Variants in SAMD12 observed in about 807,000 individuals in gnomAD.
The protein encoded by SAMD12 is sterile alpha motif domain-containing protein 12.
A neutral mutation model predicts 15.0 loss-of-function variants in SAMD12; 9 were observed. The observed-to-expected ratio is 0.60, with a 90% CI of 0.36 to 1.05. The LOEUF is 1.05. Ranked by LOEUF, SAMD12 falls within the 50% of genes least tolerant of loss-of-function variation. The pLI is 0.01. For synonymous variants in SAMD12, 86 were observed against 90.1 expected, an observed-to-expected ratio of 0.96 and a Z score of 0.25; for missense variants, 230 against 234.2, an observed-to-expected ratio of 0.98 and a Z score of 0.12.
intron 3 of SAMD12, among the ~76,000 whole-genome samples, chr8:118,423,022 C>T (rs1047968509): frequency 6.6e-6 from 1 of 152,054 alleles, no homozygotes; most frequent in Non-Finnish European, 1.5e-5. Context: ...AATAAAAATA[C>T]AAAAAAATTT....
chr8:118,537,524 C>G (rs543320176), intron 2 of SAMD12, among the ~76,000 whole-genome samples: 2 of 152,126 alleles, frequency 1.3e-5, no homozygotes, highest in Non-Finnish European at 2.9e-5. Flanking sequence ...TGCAGGCTCA[C>G]GAATTCTTTC....
At chr8:118,212,201 C>A (rs146625444) in intron 4 of SAMD12, among the ~76,000 whole-genome samples, 30 of 152,018 alleles carry the variant, frequency 2.0e-4, no homozygotes, top group Non-Finnish European at 3.7e-4. Flanking sequence ...TAGGCAAGAT[C>A]ATAGTGCACT....
chr8:118,561,939 C>G (rs571863343), intron 2 of SAMD12, among the ~76,000 whole-genome samples: 2 of 152,268 alleles, frequency 1.3e-5, no homozygotes, highest in South Asian at 4.1e-4. Context: ...TATAATCAAT[C>G]TCTATTCAGT....
intron 4 of SAMD12, among the ~76,000 whole-genome samples, chr8:118,317,126 A>T (rs1455475137): frequency 1.3e-5 from 2 of 152,164 alleles, no homozygotes; most frequent in African/African-American, 4.8e-5. Flanking sequence ...CAAAGGAGAG[A>T]GGCCTAAGGA....
At chr8:118,354,788 T>A (rs1250868016) in intron 4 of SAMD12, among the ~76,000 whole-genome samples, 2 of 152,304 alleles carry the variant, frequency 1.3e-5, no homozygotes, top group South Asian at 4.1e-4. Flanking sequence ...ATCACAGATA[T>A]CCTTGTATTG....
the SAMD12 span, among the ~76,000 whole-genome samples, chr8:118,181,315 A>G: frequency 1.3e-5 from 2 of 152,184 alleles, no homozygotes; most frequent in African/African-American, 4.8e-5. Flanking sequence ...TTTCTCATCT[A>G]TAAAGTGGAG....
the SAMD12 span, among the ~76,000 whole-genome samples, chr8:118,162,085 G>C: frequency 4.0e-5 from 6 of 150,894 alleles, no homozygotes; most frequent in African/African-American, 1.5e-4. Context: ...ACTTGTACCT[G>C]GAAGGCGGAG....
At chr8:118,210,337 A>C (rs1353009315) in intron 4 of SAMD12, among the ~76,000 whole-genome samples, 1 of 152,234 alleles carries the variant, frequency 6.6e-6, no homozygotes, top group Non-Finnish European at 1.5e-5. Context: ...AGAACTGATG[A>C]AGCCAGGATG....
intron 1 of SAMD12, among the ~76,000 whole-genome samples, chr8:118,618,005 T>C (rs973094927): frequency 6.7e-6 from 1 of 149,042 alleles, no homozygotes; most frequent in African/African-American, 2.5e-5. Flanking sequence ...TCCTGCTAAA[T>C]TATTTCACAA....
intron 4 of SAMD12, among the ~76,000 whole-genome samples, chr8:118,325,166 T>C (rs1816507843): frequency 1.3e-5 from 2 of 152,220 alleles, no homozygotes; most frequent in African/African-American, 4.8e-5. Flanking sequence ...GCCCAAGCTA[T>C]TTGCTGCTAA....
intron 3 of SAMD12, among the ~76,000 whole-genome samples, chr8:118,429,242 A>G (rs900490067): frequency 6.6e-6 from 1 of 152,182 alleles, no homozygotes; most frequent in Non-Finnish European, 1.5e-5. Context: ...TAGGTTAAGC[A>G]TCCCTAATCT....
At chr8:118,486,593 G>A (rs181778615) in intron 2 of SAMD12, among the ~76,000 whole-genome samples, 3 of 152,106 alleles carry the variant, frequency 2.0e-5, no homozygotes, top group Non-Finnish European at 2.9e-5. Context: ...CCTCCAGAAA[G>A]GAAAGTGGCC....
At chr8:118,522,319 G>A (rs1354767046) in intron 2 of SAMD12, among the ~76,000 whole-genome samples, 2 of 152,054 alleles carry the variant, frequency 1.3e-5, no homozygotes, top group South Asian at 2.1e-4. Flanking sequence ...AGGCCACTCC[G>A]AATGGCTTTG....
intron 2 of SAMD12, among the ~76,000 whole-genome samples, chr8:118,517,159 A>G (rs1563905256): frequency 6.6e-6 from 1 of 152,336 alleles, no homozygotes; most frequent in East Asian, 1.9e-4. Flanking sequence ...CAAAGGGGGT[A>G]TAAGATATCC....
chr8:118,535,297 G>A (rs1048499094), intron 2 of SAMD12, among the ~76,000 whole-genome samples: 1 of 152,302 alleles, frequency 6.6e-6, no homozygotes, highest in Non-Finnish European at 1.5e-5. Flanking sequence ...CTGCCTGATC[G>A]TTCCTCTGGA....
intron 2 of SAMD12, among the ~76,000 whole-genome samples, chr8:118,502,698 T>G (rs1824818978): frequency 6.6e-6 from 1 of 152,234 alleles, no homozygotes; most frequent in South Asian, 2.1e-4. Flanking sequence ...GCTATAATTT[T>G]GAAGAAAACA....
At chr8:118,491,995 A>C (rs567080297) in intron 2 of SAMD12, among the ~76,000 whole-genome samples, 2 of 152,236 alleles carry the variant, frequency 1.3e-5, no homozygotes, top group South Asian at 4.1e-4. Context: ...AGTATCTATA[A>C]AGTTTGATTT....
At chr8:118,541,087 C>A (rs1031784751) in intron 2 of SAMD12, among the ~76,000 whole-genome samples, 1 of 152,162 alleles carries the variant, frequency 6.6e-6, no homozygotes, top group Non-Finnish European at 1.5e-5. Context: ...AAAACTACCA[C>A]ATGCTGGTAT....
At chr8:118,214,222 G>A (rs1330768639) in intron 4 of SAMD12, among the ~76,000 whole-genome samples, 1 of 152,206 alleles carries the variant, frequency 6.6e-6, no homozygotes, top group African/African-American at 2.4e-5. Flanking sequence ...ATAAAATACA[G>A]GGACTAGAAT....
Sources: allele counts gnomAD v4.1 joint callset (sites outside exome capture counted in the v4.1 genomes callset), GRCh38; gene constraint gnomAD v4.1.1; transcripts MANE v1.5; gene names NCBI Gene and HGNC (gene_info 2026-07-23, HGNC 2026-07-21).